Variants in PLEKHG1 observed in about 807,000 individuals in gnomAD.
PLEKHG1 encodes the protein pleckstrin homology and RhoGEF domain containing G1.
PLEKHG1 carries 44 observed loss-of-function variants against 100.8 expected under a neutral mutation model. The observed-to-expected ratio is 0.44, with a 90% CI of 0.34 to 0.56. The LOEUF (loss-of-function observed/expected upper bound fraction) is 0.56, where lower values mean the gene tolerates loss of function less well. Among genes scored for constraint, PLEKHG1 ranks in the 20% least tolerant of loss-of-function variants. The pLI is 0.01. For missense variants in PLEKHG1, 1,545 were observed against 1,720.9 expected (o/e 0.90, Z 1.81); for synonymous variants, 640 against 662.5 (o/e 0.97, Z 0.52).
chr6:150,733,187 C>T (rs1451357273), intron 1 of PLEKHG1, among the ~76,000 whole-genome samples: 1 of 152,170 alleles, frequency 6.6e-6, no homozygotes, highest in Non-Finnish European at 1.5e-5. Flanking sequence ...TTAAAGTGAT[C>T]AATTCCTGGT....
At chr6:150,713,623 T>C (rs1340241762) in intron 3 of PLEKHG1, among the ~76,000 whole-genome samples, 1 of 152,188 alleles carries the variant, frequency 6.6e-6, no homozygotes, top group Non-Finnish European at 1.5e-5. Context: ...GTGTGGGAGT[T>C]TGAGCCAGTT....
Position 150,600,204 on chromosome 6 carries a change from G to A in PLEKHG1, c.-204+187G>A, listed in dbSNP as rs1488718325. 1.3e-5 allele frequency among the ~76,000 whole-genome samples: 2 copies of A among 151,298 alleles called. No individual in the cohort carries two copies. Among genetic ancestry groups the A allele is most frequent in the East Asian group, 3.9e-4 (2 of 5,082 alleles). On this transcript the variant is annotated intron_variant, in intron 1 of 3. Coordinates refer to the PLEKHG1 transcript ENST00000367326. The surrounding 1 kb of genome is among the most constrained non-coding windows in gnomAD (Gnocchi z 6.2). Reference sequence around the variant, plus strand: ...AGGGCCTTGGGGGGCGCCGAGCGGTGGGGACAGAGGGCGCCGGGGGCACCG... The same window carrying A: ...AGGGCCTTGGGGGGCGCCGAGCGGTAGGGACAGAGGGCGCCGGGGGCACCG...
chr6:150,841,058 G>A lies in PLEKHG1; in HGVS notation c.*162G>A, dbSNP rs1307546947. The A allele has an allele frequency of 4.2e-5, 30 of 707,702 alleles. 1 individual carries two copies. The East Asian group carries it at 6.7e-4, about 16-fold the overall frequency. 43.8% of individuals were successfully genotyped at this position (707,702 alleles called of 1,614,324 possible). ...AGCACAACTTTTGGAAATGGCTGAC[G>A]ATGCAGCCCGGATTGTACTGTAGCA... On this transcript the variant is annotated 3_prime_UTR_variant, in exon 16 of 16. Transcript: ENST00000358517.
intron 2 of PLEKHG1, among the ~76,000 whole-genome samples, chr6:150,640,849 G>T (rs115437937): frequency 1.3e-5 from 2 of 152,122 alleles, no homozygotes; most frequent in Non-Finnish European, 2.9e-5. Context: ...GAGAAATGGG[G>T]TCTCCTGTGG....
chr6:150,622,150 A>G (rs1402580807), intron 1 of PLEKHG1, among the ~76,000 whole-genome samples: 1 of 152,198 alleles, frequency 6.6e-6, no homozygotes, highest in East Asian at 1.9e-4. Context: ...GAATGAGCCT[A>G]TCATGCTGTG....
At chr6:150,645,435 C>T (rs1778454591) in intron 2 of PLEKHG1, among the ~76,000 whole-genome samples, 1 of 152,028 alleles carries the variant, frequency 6.6e-6, no homozygotes, top group Non-Finnish European at 1.5e-5. Flanking sequence ...ATCTTTAAAC[C>T]ATAGACATAT....
intron 14 of PLEKHG1, chr6:150,828,342 C>T (rs1159041456): frequency 6.2e-7 from 1 of 1,610,694 alleles, no homozygotes; most frequent in Non-Finnish European, 8.5e-7. Context: ...CAGTGCGGCG[C>T]TCTGTCCTCA....
intron 1 of PLEKHG1, among the ~76,000 whole-genome samples, chr6:150,725,641 G>C (rs149349567): frequency 6.6e-6 from 1 of 152,188 alleles, no homozygotes; most frequent in African/African-American, 2.4e-5. Context: ...AAGCTTTCTA[G>C]TTTGATGTAG....
At chr6:150,677,446 C>A (rs1346174032) in intron 3 of PLEKHG1, among the ~76,000 whole-genome samples, 2 of 152,224 alleles carry the variant, frequency 1.3e-5, no homozygotes, top group African/African-American at 4.8e-5. Context: ...TGACTCCAGG[C>A]TGGCTGACTC....
intron 4 of PLEKHG1, among the ~76,000 whole-genome samples, 153 bp from the exon 6 acceptor site, chr6:150,795,703 C>A (rs1406014764): frequency 6.8e-6 from 1 of 147,486 alleles, no homozygotes; most frequent in Non-Finnish European, 1.5e-5. Flanking sequence ...GCCTGGCCAA[C>A]AAGAGCAAAA....
intron 15 of PLEKHG1, 107 bp from the exon 17 acceptor site, chr6:150,839,725 CT>C (rs978459343): frequency 8.5e-6 from 6 of 702,308 alleles, no homozygotes; most frequent in African/African-American, 3.5e-5. Flanking sequence ...GTCTTGTCTA[CT>C]GTCAAAATTT....
At chr6:150,840,335 T>A (rs147913922) in exon 16 of PLEKHG1, 5 of 1,613,886 alleles carry the variant, frequency 3.1e-6, no homozygotes, top group Non-Finnish European at 4.2e-6. Flanking sequence ...TCAACTACCC[T>A]AGTGATGTGG....
intron 3 of PLEKHG1, among the ~76,000 whole-genome samples, chr6:150,674,917 A>G (rs1016447142): frequency 2.0e-5 from 3 of 152,036 alleles, no homozygotes; most frequent in Non-Finnish European, 4.4e-5. Context: ...TCCTGACCTC[A>G]AGTAATCTGC....
chr6:150,801,739 C>G (rs184346050), intron 6 of PLEKHG1, among the ~76,000 whole-genome samples: 50 of 152,014 alleles, frequency 3.3e-4, no homozygotes, highest in Non-Finnish European at 7.2e-4. Context: ...CACGCCCGTC[C>G]TCAAATTCTT....
intron 1 of PLEKHG1, among the ~76,000 whole-genome samples, chr6:150,634,521 G>A (rs1395908981): frequency 1.3e-5 from 2 of 152,264 alleles, no homozygotes; most frequent in Admixed American, 1.3e-4. Flanking sequence ...CTTGAAAAGT[G>A]CATAGAGGTC....
chr6:150,700,826 G>A (rs1425403476), intron 3 of PLEKHG1, among the ~76,000 whole-genome samples: 1 of 152,076 alleles, frequency 6.6e-6, no homozygotes, highest in Non-Finnish European at 1.5e-5. Context: ...TCTAATACAG[G>A]CAAAACAGCA....
intron 1 of PLEKHG1, among the ~76,000 whole-genome samples, chr6:150,604,309 C>A (rs1274034552): frequency 6.6e-6 from 1 of 152,164 alleles, no homozygotes; most frequent in African/African-American, 2.4e-5. Flanking sequence ...TGGCCTGTGA[C>A]TGTCTAGACA....
chr6:150,804,804 A>G (rs917506996), intron 7 of PLEKHG1, 63 bp downstream of exon 8: 9 of 1,530,180 alleles, frequency 5.9e-6, no homozygotes, highest in South Asian at 4.6e-5. Flanking sequence ...TGTTTTCCCA[A>G]TAAAATATTA....
At chr6:150,755,024 G>A (rs1318221497) in intron 2 of PLEKHG1, among the ~76,000 whole-genome samples, 1 of 150,798 alleles carries the variant, frequency 6.6e-6, no homozygotes, top group Non-Finnish European at 1.5e-5. Context: ...TACCCAGGCT[G>A]TAGTCCTGTG....
Sources: allele counts gnomAD v4.1 joint callset (sites outside exome capture counted in the v4.1 genomes callset), GRCh38; gene constraint gnomAD v4.1.1; non-coding constraint Gnocchi (gnomAD v3.1); transcripts MANE v1.5; gene names NCBI Gene and HGNC (gene_info 2026-07-23, HGNC 2026-07-21).